The following UNC13C variants were observed in gnomAD, a reference collection of about 807,000 sequenced individuals.
The protein encoded by UNC13C is unc-13 homolog C.
Under a neutral mutation model 245.4 loss-of-function variants are expected in UNC13C, and 174 were observed. The observed-to-expected ratio is 0.71, with a 90% CI of 0.63 to 0.80. The LOEUF (loss-of-function observed/expected upper bound fraction) is 0.80. UNC13C is among the 30% of genes least tolerant of loss of function. The pLI is 0.00. For missense variants in UNC13C, 2,829 were observed against 2,602.9 expected, an observed-to-expected ratio of 1.09 and a Z score of -1.89; for synonymous variants, 992 against 895.1, an observed-to-expected ratio of 1.11 and a Z score of -1.93.
At chr15:54,323,080 C>G (rs1261087202) in intron 14 of UNC13C, among the ~76,000 whole-genome samples, 1 of 151,124 alleles carries the variant, frequency 6.6e-6, no homozygotes, top group East Asian at 2.0e-4. Context: ...AATGTTGTTT[C>G]CACTGCACTT....
chr15:53,967,159 C>T, the UNC13C span, among the ~76,000 whole-genome samples: 45 of 151,854 alleles, frequency 3.0e-4, no homozygotes, highest in African/African-American at 8.4e-4. Flanking sequence ...TATTAGGTTA[C>T]GGTTTATGTT....
chr15:54,215,114 G>A (rs1029188005), intron 4 of UNC13C, among the ~76,000 whole-genome samples: 1 of 151,816 alleles, frequency 6.6e-6, no homozygotes, highest in African/African-American at 2.4e-5. Context: ...AGAAAAGTCT[G>A]TATTTTCTAT....
the UNC13C span, among the ~76,000 whole-genome samples, chr15:53,843,859 T>G: frequency 6.6e-6 from 1 of 152,172 alleles, no homozygotes; most frequent in Admixed American, 6.5e-5. Context: ...GAGGCTCTAT[T>G]TCAGTGGAGT....
chr15:54,015,586 A>G lies in UNC13C; in HGVS notation c.2683A>G (p.Ile895Val), dbSNP rs1167661429. ...TGCTAAACTAGAAAACAGGACTAGTATTACTGAAACAGATGAACAAATGCA... is the reference window on the plus strand; with the variant it reads ...TGCTAAACTAGAAAACAGGACTAGTGTTACTGAAACAGATGAACAAATGCA... The part of the protein sequence containing the change: ...VLAKLENRTS[I>V]TETDEQMQAY... Residue 895 changes from isoleucine to valine, a missense_variant, in exon 2 of 33, where the codon ATT becomes GTT. Ile to Val is a conservative substitution (Grantham distance 29, BLOSUM62 3). Transcript: ENST00000260323. The G allele has an allele frequency of 3.1e-6, 5 of 1,613,756 alleles. No homozygotes were observed. The Admixed American group carries it at 5.0e-5, about 16-fold the overall frequency.
intron 30 of UNC13C, among the ~76,000 whole-genome samples, chr15:54,601,908 G>T (rs1174959251): frequency 6.6e-6 from 1 of 152,122 alleles, no homozygotes; most frequent in African/African-American, 2.4e-5. Flanking sequence ...GCAATCTGTC[G>T]TAGTGATTTC....
intron 17 of UNC13C, among the ~76,000 whole-genome samples, chr15:54,380,928 G>C (rs2039710701): frequency 6.6e-6 from 1 of 152,080 alleles, no homozygotes; most frequent in African/African-American, 2.4e-5. Context: ...ACTATTTTGA[G>C]TTCTTTGTTG....
At chr15:53,855,717 A>G in the UNC13C span, among the ~76,000 whole-genome samples, 2 of 152,150 alleles carry the variant, frequency 1.3e-5, no homozygotes, top group South Asian at 4.1e-4. Flanking sequence ...ATAATTCACC[A>G]TCGATGTTGG....
At chr15:54,464,372 C>G (rs1359878777) in intron 19 of UNC13C, among the ~76,000 whole-genome samples, 1 of 152,066 alleles carries the variant, frequency 6.6e-6, no homozygotes. Flanking sequence ...TCTGAGCTAT[C>G]ATTTATCTTC....
At chr15:54,519,474 A>C (rs1895124310) in intron 24 of UNC13C, among the ~76,000 whole-genome samples, 1 of 152,164 alleles carries the variant, frequency 6.6e-6, no homozygotes, top group African/African-American at 2.4e-5. Flanking sequence ...TTTGAAGCAC[A>C]GTGACAGTTG....
At position 54,476,139 on chromosome 15, in the gene UNC13C, A is replaced by G. The variant is rs1051841135; in HGVS notation, c.4934-18469A>G. ...AAGTGTCTGTTCATGTCCTTTGCCCACTTTTTGATGGGGTTGTTTGTTTTT... is the reference window on the plus strand; with the variant it reads ...AAGTGTCTGTTCATGTCCTTTGCCCGCTTTTTGATGGGGTTGTTTGTTTTT... On this transcript the variant is annotated intron_variant, in intron 19 of 32. Coordinates refer to ENST00000260323, the MANE Select transcript of UNC13C (RefSeq NM_001080534.3). Among the ~76,000 whole-genome samples the G allele has an allele frequency of 1.7e-5, 2 of 115,816 alleles. 1 individual carries two copies. Among genetic ancestry groups the G allele is most frequent in the Non-Finnish European group, 3.6e-5 (2 of 54,994 alleles). The allele number at this position is 115,816 out of a possible 152,430, so 76.0% of individuals were successfully genotyped here. A position where few individuals can be genotyped will look rare whatever the true frequency, so the allele number is the denominator to read the frequency against.
chr15:54,454,152 C>T (rs1217150610), intron 19 of UNC13C, among the ~76,000 whole-genome samples: 2 of 151,018 alleles, frequency 1.3e-5, no homozygotes, highest in Non-Finnish European at 2.9e-5. Context: ...ATACAATTTA[C>T]CATTTTAACC....
intron 30 of UNC13C, among the ~76,000 whole-genome samples, chr15:54,590,797 C>G (rs1198779940): frequency 6.6e-6 from 1 of 152,104 alleles, no homozygotes; most frequent in Non-Finnish European, 1.5e-5. Flanking sequence ...TTTCTCTTGT[C>G]TGATTGCTCT....
At chr15:54,434,438 T>G (rs1181459540) in intron 19 of UNC13C, among the ~76,000 whole-genome samples, 5 of 151,894 alleles carry the variant, frequency 3.3e-5, no homozygotes, top group Admixed American at 2.6e-4. Context: ...ACCACATATC[T>G]AAATCATCTG....
intron 19 of UNC13C, among the ~76,000 whole-genome samples, chr15:54,437,521 A>C (rs1474063621): frequency 6.6e-6 from 1 of 151,798 alleles, no homozygotes; most frequent in Non-Finnish European, 1.5e-5. Flanking sequence ...TTTATTTTTG[A>C]GGTTCCCACA....
At chr15:54,088,934 C>A (rs1195498770) in intron 2 of UNC13C, among the ~76,000 whole-genome samples, 2 of 152,134 alleles carry the variant, frequency 1.3e-5, no homozygotes, top group Non-Finnish European at 2.9e-5. Flanking sequence ...CCCTACCTGG[C>A]TTTGGGGTCA....
intron 13 of UNC13C, among the ~76,000 whole-genome samples, chr15:54,319,641 G>T (rs2038099235): frequency 1.3e-5 from 2 of 151,932 alleles, no homozygotes; most frequent in African/African-American, 4.8e-5. Flanking sequence ...AAAAGCCACA[G>T]TTTTCAGGAC....
intron 17 of UNC13C, among the ~76,000 whole-genome samples, chr15:54,391,305 C>A (rs1479428897): frequency 1.3e-5 from 2 of 152,158 alleles, no homozygotes; most frequent in African/African-American, 4.8e-5. Context: ...TATTTATCAC[C>A]TTCACAACTC....
chr15:54,604,835 CA>C (rs1182824818), intron 30 of UNC13C, among the ~76,000 whole-genome samples: 1 of 152,170 alleles, frequency 6.6e-6, no homozygotes, highest in Non-Finnish European at 1.5e-5. Context: ...AGAAATCAAA[CA>C]AAATGGAGTT....
intron 1 of UNC13C, among the ~76,000 whole-genome samples, chr15:54,011,898 A>G (rs1004873549): frequency 2.6e-5 from 4 of 152,194 alleles, no homozygotes; most frequent in African/African-American, 9.6e-5. Flanking sequence ...GACAATCTGT[A>G]GTTTATGATG....
Sources: gnomAD v4.1 joint callset for allele counts (sites outside exome capture counted in the v4.1 genomes callset) on GRCh38, gnomAD v4.1.1 for gene constraint, MANE v1.5 for transcripts, NCBI Gene and HGNC (gene_info 2026-07-23, HGNC 2026-07-21) for gene names.